The following CADM2 variants were observed in gnomAD, a reference collection of about 807,000 sequenced individuals.
CADM2 encodes the protein immunoglobulin superfamily member 4D.
In CADM2, 12 loss-of-function variants were observed where a neutral mutation model predicts 49.8. That is an observed-to-expected ratio of 0.24 (90% CI 0.15 to 0.39). CADM2 has a LOEUF of 0.39. Ranked by LOEUF, CADM2 falls within the 10% of genes least tolerant of loss-of-function variation. The pLI is 1.00. For missense variants in CADM2, 378 were observed against 492.3 expected (o/e 0.77, Z 2.20); for synonymous variants, 214 against 175.4 (o/e 1.22, Z -1.74).
chr3:85,366,106 TC>T (rs1397246268), intron 1 of CADM2, among the ~76,000 whole-genome samples: 1 of 152,248 alleles, frequency 6.6e-6, no homozygotes, highest in Non-Finnish European at 1.5e-5. Flanking sequence ...ATAGGTGCTG[TC>T]TGTTCATCTG....
chr3:85,195,028 A>G (rs570331583), intron 1 of CADM2, among the ~76,000 whole-genome samples: 1 of 152,100 alleles, frequency 6.6e-6, no homozygotes, highest in South Asian at 2.1e-4. Context: ...AACCGGTCCA[A>G]TTAGTGGTCC....
intron 8 of CADM2, among the ~76,000 whole-genome samples, chr3:86,029,284 A>T (rs1462542080): frequency 6.6e-6 from 1 of 152,116 alleles, no homozygotes; most frequent in Non-Finnish European, 1.5e-5. Context: ...AAGAGAATGG[A>T]GAGAGGCTGG....
chr3:85,259,395 G>T lies in CADM2; in HGVS notation c.61+299727G>T, dbSNP rs1044588793. 2.7e-5 allele frequency among the ~76,000 whole-genome samples: 3 copies of T among 110,536 alleles called. No homozygotes were observed. The Admixed American group carries it at 3.0e-4, about 11-fold the overall frequency. 72.5% of individuals were successfully genotyped at this position (110,536 alleles called of 152,430 possible). On this transcript the variant is annotated intron_variant, in intron 1 of 9. Transcript: ENST00000383699. ...TCATTTCTGATGATCAAATCTTTAA[G>T]AATTGTTTAATTTTCAGAAAACTTT...
At chr3:85,897,151 T>C (rs1400951686) in intron 5 of CADM2, among the ~76,000 whole-genome samples, 2 of 151,684 alleles carry the variant, frequency 1.3e-5, no homozygotes. Context: ...AGTTCTTTCT[T>C]AGAGGAGGAT....
intron 1 of CADM2, among the ~76,000 whole-genome samples, chr3:85,549,293 A>T (rs1360426648): frequency 6.6e-6 from 1 of 152,224 alleles, no homozygotes; most frequent in Non-Finnish European, 1.5e-5. Flanking sequence ...ACTAATATTA[A>T]GATAAAGAAT....
chr3:85,718,228 C>A (rs1414383897), intron 1 of CADM2, among the ~76,000 whole-genome samples: 1 of 152,138 alleles, frequency 6.6e-6, no homozygotes, highest in Non-Finnish European at 1.5e-5. Context: ...TGAGGTAAAT[C>A]ATCAACACTC....
intron 1 of CADM2, among the ~76,000 whole-genome samples, chr3:85,069,654 A>G (rs939437629): frequency 5.4e-4 from 82 of 152,256 alleles, no homozygotes; most frequent in Middle Eastern, 3.4e-3. Flanking sequence ...GTAATTTGCC[A>G]TGCATTAACT....
intron 1 of CADM2, among the ~76,000 whole-genome samples, chr3:85,234,391 A>G (rs1035467492): frequency 2.0e-5 from 3 of 152,056 alleles, no homozygotes; most frequent in African/African-American, 7.2e-5. Flanking sequence ...GCCTAAACAA[A>G]CCTCCTAATC....
At chr3:85,754,257 T>C (rs1484186840) in intron 2 of CADM2, among the ~76,000 whole-genome samples, 2 of 152,138 alleles carry the variant, frequency 1.3e-5, no homozygotes, top group Non-Finnish European at 2.9e-5. Flanking sequence ...TTCAGGTGTT[T>C]CTATCTATTG....
chr3:85,635,105 T>C (rs547997929), intron 1 of CADM2, among the ~76,000 whole-genome samples: 2 of 152,156 alleles, frequency 1.3e-5, no homozygotes, highest in South Asian at 4.1e-4. Flanking sequence ...ATGAAAGGGA[T>C]TAGTGGATAC....
intron 2 of CADM2, among the ~76,000 whole-genome samples, chr3:85,791,544 A>AAGAGAGAGAG (rs71112119): frequency 9.0e-5 from 9 of 100,002 alleles, no homozygotes; most frequent in Admixed American, 3.0e-4. Flanking sequence ...GAGAGAGAGA[A>AAGAGAGAGAG]AGAGAGAGAG....
chr3:85,779,887 A>G (rs563603356), intron 2 of CADM2, among the ~76,000 whole-genome samples: 32 of 152,286 alleles, frequency 2.1e-4, no homozygotes, highest in Admixed American at 1.2e-3. Context: ...GTTATTTTAA[A>G]TACGAAAGGA....
Position 85,207,050 on chromosome 3 carries a change from A to ATGTGTGTGTGTG in CADM2, c.61+247408_61+247419dup, listed in dbSNP as rs3085116. Among the ~76,000 whole-genome samples the ATGTGTGTGTGTG allele has an allele frequency of 3.1e-3, 455 of 144,966 alleles. 2 individuals are homozygous for ATGTGTGTGTGTG. Among genetic ancestry groups the ATGTGTGTGTGTG allele is most frequent in the African/African-American group, 0.011 (423 of 39,696 alleles). On this transcript the variant is annotated intron_variant, in intron 1 of 9. Transcript: ENST00000383699. ...GAATCAGTTACTTTGGAAGAAATAA[A>ATGTGTGTGTGTG]TGTGTGTGTGTGTGTGTGTGTGTGT...
chr3:85,955,024 G>T (rs997960759), intron 7 of CADM2, among the ~76,000 whole-genome samples: 1 of 151,236 alleles, frequency 6.6e-6, no homozygotes, highest in African/African-American at 2.4e-5. Context: ...CTGAAATAAA[G>T]CCAGTAGACA....
chr3:85,919,187 T>C (rs979608720), intron 6 of CADM2, among the ~76,000 whole-genome samples: 3 of 152,084 alleles, frequency 2.0e-5, no homozygotes, highest in African/African-American at 7.2e-5. Context: ...ATTCATCTCA[T>C]CATGAAATCT....
intron 1 of CADM2, among the ~76,000 whole-genome samples, chr3:85,702,622 A>C (rs2066815495): frequency 6.6e-6 from 1 of 152,204 alleles, no homozygotes; most frequent in African/African-American, 2.4e-5. Context: ...ATGTTTCATC[A>C]ATGATTTGTA....
intron 7 of CADM2, among the ~76,000 whole-genome samples, chr3:85,952,241 G>A (rs1194056771): frequency 6.6e-6 from 1 of 150,742 alleles, no homozygotes; most frequent in African/African-American, 2.4e-5. Flanking sequence ...AATAAATTTT[G>A]AAATAATTTT....
At chr3:85,597,373 A>G (rs2063274588) in intron 1 of CADM2, among the ~76,000 whole-genome samples, 9 of 152,024 alleles carry the variant, frequency 5.9e-5, no homozygotes. Flanking sequence ...GTCTAGATAG[A>G]TTCATATCTT....
chr3:85,272,719 C>T (rs1241192747), intron 1 of CADM2, among the ~76,000 whole-genome samples: 3 of 151,198 alleles, frequency 2.0e-5, no homozygotes, highest in African/African-American at 4.8e-5. Flanking sequence ...ATCACTTCAC[C>T]AGTTGAGAAT....
Sources: allele counts gnomAD v4.1 joint callset (sites outside exome capture counted in the v4.1 genomes callset), GRCh38; gene constraint gnomAD v4.1.1; transcripts MANE v1.5; gene names NCBI Gene and HGNC (gene_info 2026-07-23, HGNC 2026-07-21).